The following CSMD2 variants were observed in gnomAD, a reference collection of about 807,000 sequenced individuals.
CSMD2 encodes CUB and sushi domain-containing protein 2.
In CSMD2, 130 loss-of-function variants were observed where a neutral mutation model predicts 398.5. That is an observed-to-expected ratio of 0.33 (90% CI 0.28 to 0.38). CSMD2 has a LOEUF of 0.38. Among genes scored for constraint, CSMD2 ranks in the 10% least tolerant of loss-of-function variants. CSMD2 has a pLI of 1.00. For synonymous variants in CSMD2, 1,828 were observed against 1,908.5 expected (o/e 0.96, Z 1.10); for missense variants, 3,829 against 4,764.9 (o/e 0.80, Z 5.78).
intron 1 of CSMD2, among the ~76,000 whole-genome samples, chr1:34,150,521 A>T (rs1273882931): frequency 6.6e-6 from 1 of 152,128 alleles, no homozygotes; most frequent in East Asian, 1.9e-4. Context: ...CTTAAACCTC[A>T]GTTTCCTCAA....
intron 9 of CSMD2, 105 bp from the exon 10 acceptor site, chr1:33,810,969 C>T: frequency 7.7e-7 from 1 of 1,294,494 alleles, no homozygotes; most frequent in South Asian, 1.3e-5. Flanking sequence ...ACAGTTCCCA[C>T]CCTGGACATA....
At chr1:33,692,677 C>G (rs1645280220) in intron 25 of CSMD2, among the ~76,000 whole-genome samples, 2 of 152,340 alleles carry the variant, frequency 1.3e-5, no homozygotes, top group South Asian at 4.1e-4. Flanking sequence ...GCCTTCAATC[C>G]ATGCCCTCGG....
intron 15 of CSMD2, among the ~76,000 whole-genome samples, chr1:33,732,866 T>C (rs1646765406): frequency 6.6e-6 from 1 of 152,236 alleles, no homozygotes; most frequent in Admixed American, 6.5e-5. Flanking sequence ...GACCTTCATG[T>C]ATGCTTTTGC....
intron 9 of CSMD2, among the ~76,000 whole-genome samples, chr1:33,813,521 C>T (rs1657090250): frequency 6.6e-6 from 1 of 152,144 alleles, no homozygotes; most frequent in Admixed American, 6.5e-5. Context: ...GCCTTTTTCC[C>T]TGAAATGCTC....
chr1:34,011,880 C>T (rs543330828), intron 3 of CSMD2, among the ~76,000 whole-genome samples: 4 of 152,238 alleles, frequency 2.6e-5, no homozygotes, highest in Admixed American at 1.3e-4. Context: ...CACTCACAAC[C>T]CTTCCCAGCC....
chr1:33,694,283 TG>T (rs1557742359), intron 24 of CSMD2, among the ~76,000 whole-genome samples: 2 of 152,144 alleles, frequency 1.3e-5, no homozygotes, highest in African/African-American at 4.8e-5. Flanking sequence ...TTAATGGGCA[TG>T]GGTTTTCTCT....
At chr1:34,048,933 G>C (rs1427651829) in intron 2 of CSMD2, among the ~76,000 whole-genome samples, 1 of 152,142 alleles carries the variant, frequency 6.6e-6, no homozygotes. Context: ...TATGCCCACT[G>C]TTTCCCATAC....
chr1:33,910,712 T>C (rs1030405346), intron 5 of CSMD2, among the ~76,000 whole-genome samples: 32 of 152,342 alleles, frequency 2.1e-4, no homozygotes, highest in Middle Eastern at 3.4e-3. Flanking sequence ...AGAGGTAGGT[T>C]ATAGGGAGCT....
At chr1:34,137,207 G>A (rs1638840498) in intron 1 of CSMD2, among the ~76,000 whole-genome samples, 2 of 151,644 alleles carry the variant, frequency 1.3e-5, no homozygotes, top group South Asian at 4.2e-4. Flanking sequence ...TTCAGCAATT[G>A]CACCTCTTCA....
intron 3 of CSMD2, among the ~76,000 whole-genome samples, chr1:34,029,150 G>C (rs1650087522): frequency 6.6e-6 from 1 of 152,090 alleles, no homozygotes; most frequent in Non-Finnish European, 1.5e-5. Flanking sequence ...TCCTGACTGG[G>C]GGCAGCCTAG....
intron 13 of CSMD2, among the ~76,000 whole-genome samples, chr1:33,744,883 A>C (rs1484339105): frequency 6.6e-6 from 1 of 152,212 alleles, no homozygotes; most frequent in Non-Finnish European, 1.5e-5. Context: ...AGCAAAACTG[A>C]TATGATCCTT....
At chr1:33,833,604 C>T (rs1341233707) in intron 6 of CSMD2, among the ~76,000 whole-genome samples, 1 of 148,452 alleles carries the variant, frequency 6.7e-6, no homozygotes, top group Non-Finnish European at 1.5e-5. Context: ...GACAGGGATG[C>T]CCTCTCTCAC....
intron 37 of CSMD2, among the ~76,000 whole-genome samples, chr1:33,619,291 G>GAGGCTCCCTTGGGGGATAC (rs1641602787): frequency 6.6e-6 from 1 of 152,206 alleles, no homozygotes; most frequent in African/African-American, 2.4e-5. Context: ...GGCCCTTCTG[G>GAGGCTCCCTTGGGGGATAC]AGGCTCCCTT....
intron 7 of CSMD2, 144 bp downstream of exon 7, chr1:33,825,553 G>A (rs1184594749): frequency 1.4e-6 from 1 of 722,548 alleles, no homozygotes; most frequent in Non-Finnish European, 2.3e-6. Flanking sequence ...TTGGGTCAGT[G>A]TGTCCAAGCG....
At chr1:33,913,107 C>T (rs1030654607) in intron 5 of CSMD2, among the ~76,000 whole-genome samples, 7 of 152,198 alleles carry the variant, frequency 4.6e-5, no homozygotes, top group South Asian at 2.1e-4. Flanking sequence ...TCACTGCATC[C>T]GGCCCTCTTC....
At chr1:33,936,731 G>T (rs928805463) in intron 3 of CSMD2, among the ~76,000 whole-genome samples, 1 of 152,236 alleles carries the variant, frequency 6.6e-6, no homozygotes, top group Non-Finnish European at 1.5e-5. Context: ...TCAGTCACCT[G>T]TTCTAACTGA....
chr1:33,596,259 T>C (rs952534157), intron 44 of CSMD2, among the ~76,000 whole-genome samples: 1 of 152,050 alleles, frequency 6.6e-6, no homozygotes, highest in Non-Finnish European at 1.5e-5. Context: ...CTTCCTCTGC[T>C]TGGGCTCCAA....
At chr1:33,820,317 T>C (rs1022703895) in intron 8 of CSMD2, 152 bp downstream of exon 8, 21 of 680,354 alleles carry the variant, frequency 3.1e-5, no homozygotes, top group Non-Finnish European at 5.6e-5. Flanking sequence ...CAGGAGAGAA[T>C]GTCAAAGCCA....
intron 3 of CSMD2, among the ~76,000 whole-genome samples, chr1:33,968,510 T>C (rs1645641543): frequency 6.6e-6 from 1 of 152,232 alleles, no homozygotes; most frequent in Non-Finnish European, 1.5e-5. Context: ...AGAGATAAGA[T>C]CTGCTTGCAG....
Sources: allele counts gnomAD v4.1 joint callset (sites outside exome capture counted in the v4.1 genomes callset), GRCh38; gene constraint gnomAD v4.1.1; transcripts MANE v1.5; gene names NCBI Gene and HGNC (gene_info 2026-07-23, HGNC 2026-07-21).